Variants in MTR observed in about 807,000 individuals in gnomAD.
MTR encodes the protein methionine synthase.
MTR carries 84 observed loss-of-function variants against 154.8 expected under a neutral mutation model. The ratio of observed to expected loss-of-function variants is 0.54; its 90% CI spans 0.45 to 0.65. The LOEUF is 0.65. MTR is among the 30% of genes least tolerant of loss of function. MTR has a pLI of 0.00. For synonymous variants in MTR, 554 were observed against 553.9 expected (o/e 1.00, Z 0.00); for missense variants, 1,275 against 1,570.2 (o/e 0.81, Z 3.18).
At chr1:236,819,347 C>G (rs1279766094) in intron 8 of MTR, among the ~76,000 whole-genome samples, 1 of 152,208 alleles carries the variant, frequency 6.6e-6, no homozygotes, top group Non-Finnish European at 1.5e-5. Context: ...GTTGAGACCA[C>G]ATAGTATGTA....
chr1:236,838,262 G>T, intron 14 of MTR, 152 bp from the exon 15 acceptor site: 3 of 771,822 alleles, frequency 3.9e-6, no homozygotes, highest in Admixed American at 2.6e-5. Flanking sequence ...TGGGCTTAAA[G>T]AACAAGTATA....
At chr1:236,839,602 T>C (rs1663113159) in intron 15 of MTR, among the ~76,000 whole-genome samples, 1 of 152,240 alleles carries the variant, frequency 6.6e-6, no homozygotes, top group Non-Finnish European at 1.5e-5. Flanking sequence ...ATCTCTGTGA[T>C]ACACTGATTA....
At chr1:236,815,010 T>C (rs1482814900) in intron 6 of MTR, among the ~76,000 whole-genome samples, 1 of 152,200 alleles carries the variant, frequency 6.6e-6, no homozygotes, top group Non-Finnish European at 1.5e-5. Flanking sequence ...GAAGATCCAT[T>C]ATCTGGAACT....
chr1:236,892,479 C>T (rs1480428394), intron 29 of MTR, among the ~76,000 whole-genome samples: 1 of 152,104 alleles, frequency 6.6e-6, no homozygotes, highest in Admixed American at 6.5e-5. Context: ...GAGACCCTGT[C>T]TCTAAAAAAC....
At chr1:236,841,220 G>C (rs187660958) in intron 15 of MTR, among the ~76,000 whole-genome samples, 1 of 152,072 alleles carries the variant, frequency 6.6e-6, no homozygotes, top group Non-Finnish European at 1.5e-5. Flanking sequence ...CCCTGACTCT[G>C]TACAGCTTTA....
intron 29 of MTR, among the ~76,000 whole-genome samples, chr1:236,892,677 C>T (rs1028870939): frequency 1.4e-4 from 21 of 152,174 alleles, no homozygotes; most frequent in Admixed American, 1.0e-3. Context: ...TCACTGTATG[C>T]GCCCAGGCTC....
intron 13 of MTR, among the ~76,000 whole-genome samples, chr1:236,833,438 G>A (rs1019959779): frequency 4.3e-4 from 66 of 152,296 alleles, no homozygotes; most frequent in African/African-American, 1.5e-3. Flanking sequence ...GTGGAGATAG[G>A]TACTGTGGTT....
chr1:236,825,691 T>C (rs947761756), intron 10 of MTR, among the ~76,000 whole-genome samples: 3 of 152,130 alleles, frequency 2.0e-5, no homozygotes, highest in Non-Finnish European at 2.9e-5. Flanking sequence ...CCTTCCCAAA[T>C]TGTAGCTTTC....
Position 236,824,103 on chromosome 1 carries a change from T to C in MTR, c.765-16T>C, listed in dbSNP as rs1327602041. 1 of 1,597,862 alleles carries C rather than the reference T, an allele frequency of 6.3e-7. No homozygotes were observed. The highest frequency in any genetic ancestry group is 8.6e-7 in the Non-Finnish European group (1 of 1,165,304). Reference sequence around the variant, plus strand: ...TGAGAGATGATGCTTTTAATATGTTTTTTCTGTTTTTCTAGCATTGGATTA... The same window carrying C: ...TGAGAGATGATGCTTTTAATATGTTCTTTCTGTTTTTCTAGCATTGGATTA... On this transcript the variant is annotated splice_polypyrimidine_tract_variant and intron_variant, in intron 8 of 32. Transcript: ENST00000366577.
chr1:236,857,148 C>T (rs766227651), intron 18 of MTR, among the ~76,000 whole-genome samples: 3 of 152,200 alleles, frequency 2.0e-5, no homozygotes, highest in Non-Finnish European at 4.4e-5. Context: ...CTCCCATCAG[C>T]AGTGTAAAAG....
At chr1:236,864,977 G>A (rs1041370407) in intron 22 of MTR, among the ~76,000 whole-genome samples, 1 of 152,214 alleles carries the variant, frequency 6.6e-6, no homozygotes, top group African/African-American at 2.4e-5. Context: ...AGTGATTCTT[G>A]AGGTATCATT....
At chr1:236,831,288 G>A (rs1434561055) in intron 12 of MTR, among the ~76,000 whole-genome samples, 2 of 152,336 alleles carry the variant, frequency 1.3e-5, no homozygotes, top group African/African-American at 2.4e-5. Flanking sequence ...ATATCCACAT[G>A]TATTATCTGA....
chr1:236,840,918 A>G (rs749152569), intron 15 of MTR, among the ~76,000 whole-genome samples: 5 of 152,166 alleles, frequency 3.3e-5, no homozygotes, highest in African/African-American at 4.8e-5. Flanking sequence ...CACATTTACT[A>G]TTTTGAGGCA....
intron 6 of MTR, 77 bp from the exon 7 acceptor site, chr1:236,815,527 G>A (rs1335643875): frequency 1.4e-5 from 20 of 1,387,212 alleles, no homozygotes; most frequent in Non-Finnish European, 1.9e-5. Context: ...AGAAAAGGGT[G>A]CATTCTAATC....
At position 236,853,092 on chromosome 1, in the gene MTR, G is replaced by C. The variant is rs374677054; in HGVS notation, c.1953+4G>C. On this transcript the variant is annotated splice_donor_region_variant and intron_variant, in intron 18 of 32. Transcript: ENST00000366577. ...GAAGCTCTTACGTTATGCCCAGGTA[G>C]AGAGACAAGTGTTCTAATAGATGGA... The C allele has an allele frequency of 9.9e-6, 16 of 1,613,788 alleles. No homozygotes were observed. The African/African-American group carries it at 2.0e-4, about 20-fold the overall frequency.
chr1:236,851,350 T>G (rs370497952), intron 16 of MTR, among the ~76,000 whole-genome samples: 1 of 152,208 alleles, frequency 6.6e-6, no homozygotes. Flanking sequence ...GGTCACTTTT[T>G]AAAATGGCCC....
rs1663986857 is a variant in MTR, at chr1:236,852,831, C to T, written c.1813-117C>T. The T allele has an allele frequency of 3.2e-6, 4 of 1,266,868 alleles. No individual in the cohort carries two copies. The African/African-American group carries it at 4.4e-5, about 14-fold the overall frequency. The allele number at this position is 1,266,868 out of a possible 1,614,324, so 78.5% of individuals were successfully genotyped here. A position where few individuals can be genotyped will look rare whatever the true frequency, so the allele number is the denominator to read the frequency against. On this transcript the variant is annotated intron_variant, in intron 17 of 32. Transcript: ENST00000366577. ...ATGCTGTAACTACAAAGTTGAGTAGCTGTGACAGAGGCTATGGCCTAAAAT... is the reference window on the plus strand; with the variant it reads ...ATGCTGTAACTACAAAGTTGAGTAGTTGTGACAGAGGCTATGGCCTAAAAT...
At chr1:236,820,165 C>T in intron 8 of MTR, 1 of 763,532 alleles carries the variant, frequency 1.3e-6, no homozygotes, top group South Asian at 1.3e-5. Flanking sequence ...GTGGTGGATG[C>T]TGGCCTGAGA....
chr1:236,834,670 A>G (rs145205629), intron 13 of MTR, among the ~76,000 whole-genome samples: 3 of 152,074 alleles, frequency 2.0e-5, no homozygotes, highest in African/African-American at 4.8e-5. Context: ...TATTGATTTT[A>G]TCCTTGCTTA....
Sources: gnomAD v4.1 joint callset for allele counts (sites outside exome capture counted in the v4.1 genomes callset) on GRCh38, gnomAD v4.1.1 for gene constraint, MANE v1.5 for transcripts, NCBI Gene and HGNC (gene_info 2026-07-23, HGNC 2026-07-21) for gene names.